GRM5: variants seen among roughly 807,000 people sequenced by gnomAD.
The protein encoded by GRM5 is metabotropic glutamate receptor 5.
GRM5 carries 19 observed loss-of-function variants against 83.1 expected under a neutral mutation model. The observed-to-expected ratio is 0.23, with a 90% CI of 0.16 to 0.34. GRM5 has a LOEUF of 0.34. Ranked by LOEUF, GRM5 falls within the 10% of genes least tolerant of loss-of-function variation. The probability of loss-of-function intolerance (pLI) is 1.00; values close to 1 mark genes in which losing one functional copy is unlikely to be tolerated. For missense variants in GRM5, 1,160 were observed against 1,588.3 expected (o/e 0.73, Z 4.58); for synonymous variants, 675 against 633.6 (o/e 1.07, Z -0.98).
At chr11:88,857,112 T>C (rs1288937215) in intron 2 of GRM5, among the ~76,000 whole-genome samples, 2 of 152,070 alleles carry the variant, frequency 1.3e-5, no homozygotes, top group Admixed American at 6.6e-5. Flanking sequence ...AAAAATGAAA[T>C]TTCTTGGTCA....
At chr11:88,768,242 A>G (rs1376519924) in intron 3 of GRM5, among the ~76,000 whole-genome samples, 1 of 152,080 alleles carries the variant, frequency 6.6e-6, no homozygotes, top group Non-Finnish European at 1.5e-5. Flanking sequence ...ATATATGCAT[A>G]CAATGAAATA....
Position 88,623,408 on chromosome 11 carries a change from G to A in GRM5, c.1148-18444C>T, listed in dbSNP as rs546491495. On this transcript the variant is annotated intron_variant, in intron 4 of 9. Coordinates refer to ENST00000305447, the MANE Select transcript of GRM5 (RefSeq NM_001143831.3). ...GCCTCCCAAAGTGCTGGCATTACAG[G>A]TGTGAGCCACCGTGCCCGGCCAGAG... Among the ~76,000 whole-genome samples the A allele has an allele frequency of 2.6e-5, 4 of 152,208 alleles. No homozygotes were observed. In the South Asian group the frequency reaches 6.2e-4, roughly 24 times the overall value.
At chr11:88,693,790 G>A (rs966975819) in intron 3 of GRM5, among the ~76,000 whole-genome samples, 5 of 152,164 alleles carry the variant, frequency 3.3e-5, no homozygotes, top group African/African-American at 1.2e-4. Context: ...TCTGAGAAAA[G>A]CCTAGAGCCA....
At chr11:88,994,644 TGG>T in intron 2 of GRM5, among the ~76,000 whole-genome samples, 1 of 150,222 alleles carries the variant, frequency 6.7e-6, no homozygotes. Context: ...AACACTTTGT[TGG>T]TGTTCCTGGG....
At chr11:88,733,486 C>T (rs1941849078) in intron 3 of GRM5, among the ~76,000 whole-genome samples, 2 of 151,982 alleles carry the variant, frequency 1.3e-5, no homozygotes, top group Non-Finnish European at 2.9e-5. Context: ...TGAATTATCT[C>T]TTTTCAATTT....
At chr11:88,877,141 G>A (rs1247203339) in intron 2 of GRM5, among the ~76,000 whole-genome samples, 1 of 151,910 alleles carries the variant, frequency 6.6e-6, no homozygotes, top group Admixed American at 6.6e-5. Flanking sequence ...AATGAGTTCT[G>A]GTGTTTTATT....
chr11:88,896,418 T>C (rs1945228540), intron 2 of GRM5, among the ~76,000 whole-genome samples: 1 of 150,128 alleles, frequency 6.7e-6, no homozygotes, highest in Admixed American at 6.6e-5. Context: ...AAAACAAGAG[T>C]TGAGATGGGG....
chr11:89,006,923 G>C (rs1305487271), intron 2 of GRM5, among the ~76,000 whole-genome samples: 1 of 152,076 alleles, frequency 6.6e-6, no homozygotes, highest in Non-Finnish European at 1.5e-5. Flanking sequence ...CAAGCCTCCT[G>C]AGTAGCTGGG....
chr11:88,897,147 CCTT>C (rs1292547267), intron 2 of GRM5, among the ~76,000 whole-genome samples: 3 of 151,850 alleles, frequency 2.0e-5, no homozygotes, highest in Non-Finnish European at 4.4e-5. Context: ...AAGAAATCAA[CCTT>C]CTAAAAAAGA....
intron 8 of GRM5, among the ~76,000 whole-genome samples, chr11:88,537,852 T>C (rs1048168259): frequency 1.3e-5 from 2 of 152,054 alleles, no homozygotes; most frequent in African/African-American, 4.8e-5. Context: ...CAGAAACTAA[T>C]GGCAAAGTGA....
intron 2 of GRM5, among the ~76,000 whole-genome samples, chr11:89,046,158 C>A (rs774235054): frequency 2.0e-4 from 31 of 152,240 alleles, no homozygotes; most frequent in Middle Eastern, 3.4e-3. Context: ...GAGAGCCTTG[C>A]ATATGTATTT....
chr11:88,984,333 TATC>T, intron 2 of GRM5, among the ~76,000 whole-genome samples: 1 of 152,290 alleles, frequency 6.6e-6, no homozygotes. Flanking sequence ...TGTAAACACT[TATC>T]ATTTTGTTAC....
intron 3 of GRM5, among the ~76,000 whole-genome samples, chr11:88,777,574 A>C (rs533505655): frequency 1.3e-3 from 198 of 152,264 alleles, no homozygotes; most frequent in Middle Eastern, 0.01. Flanking sequence ...TTGTGGTTTT[A>C]TCTACCTTTG....
At chr11:88,810,654 T>G (rs1943572922) in intron 3 of GRM5, among the ~76,000 whole-genome samples, 1 of 152,106 alleles carries the variant, frequency 6.6e-6, no homozygotes, top group African/African-American at 2.4e-5. Flanking sequence ...GGGAAACAGC[T>G]TTTACTGAGA....
At chr11:88,673,400 G>GT (rs1440235803) in intron 3 of GRM5, among the ~76,000 whole-genome samples, 1 of 151,850 alleles carries the variant, frequency 6.6e-6, no homozygotes, top group South Asian at 2.1e-4. Flanking sequence ...AGAGAAATAC[G>GT]TTTCTTGGGG....
chr11:88,550,445 A>T (rs530957472), intron 8 of GRM5, among the ~76,000 whole-genome samples: 54 of 152,334 alleles, frequency 3.5e-4, no homozygotes, highest in African/African-American at 1.2e-3. Context: ...ATCTGTCTTT[A>T]GGACACACAT....
chr11:88,643,113 C>G (rs762002863), intron 4 of GRM5, among the ~76,000 whole-genome samples: 1 of 151,966 alleles, frequency 6.6e-6, no homozygotes, highest in Admixed American at 6.6e-5. Flanking sequence ...TTAATTGGCT[C>G]GTGGTTCTGC....
intron 4 of GRM5, among the ~76,000 whole-genome samples, chr11:88,618,844 T>C (rs1239981122): frequency 6.6e-6 from 1 of 152,162 alleles, no homozygotes; most frequent in Non-Finnish European, 1.5e-5. Flanking sequence ...TCAACGATTA[T>C]TTTTTAGGGT....
intron 8 of GRM5, among the ~76,000 whole-genome samples, chr11:88,539,027 C>T (rs939312624): frequency 6.6e-6 from 1 of 152,186 alleles, no homozygotes; most frequent in African/African-American, 2.4e-5. Context: ...ACTGCCTATG[C>T]TTTTACTTGA....
Sources: gnomAD v4.1 joint callset for allele counts (sites outside exome capture counted in the v4.1 genomes callset) on GRCh38, gnomAD v4.1.1 for gene constraint, MANE v1.5 for transcripts, NCBI Gene and HGNC (gene_info 2026-07-23, HGNC 2026-07-21) for gene names.